RABGAP1L: variants seen among roughly 807,000 people sequenced by gnomAD.
The protein encoded by RABGAP1L is rab GTPase-activating protein 1-like.
Under a neutral mutation model 137.7 loss-of-function variants are expected in RABGAP1L, and 63 were observed. The ratio of observed to expected loss-of-function variants is 0.46; its 90% CI spans 0.37 to 0.56. RABGAP1L has a LOEUF of 0.56. Among genes scored for constraint, RABGAP1L ranks in the 20% least tolerant of loss-of-function variants. The probability of loss-of-function intolerance (pLI) is 0.00; values close to 1 mark genes in which losing one functional copy is unlikely to be tolerated. For missense variants in RABGAP1L, 1,095 were observed against 1,244.0 expected (o/e 0.88, Z 1.80); for synonymous variants, 431 against 433.7 (o/e 0.99, Z 0.08).
At chr1:174,580,103 A>C (rs572929209) in intron 13 of RABGAP1L, among the ~76,000 whole-genome samples, 2 of 136,064 alleles carry the variant, frequency 1.5e-5, no homozygotes, top group East Asian at 5.2e-4. Context: ...TATGAAACCA[A>C]AAGTACAAGC....
chr1:174,564,920 C>G (rs925851969), intron 13 of RABGAP1L, among the ~76,000 whole-genome samples: 2 of 150,724 alleles, frequency 1.3e-5, no homozygotes, highest in African/African-American at 5.0e-5. Flanking sequence ...CAATACAACT[C>G]CCCCCTGCCC....
intron 13 of RABGAP1L, among the ~76,000 whole-genome samples, chr1:174,555,092 A>G (rs527619900): frequency 6.6e-6 from 1 of 152,314 alleles, no homozygotes; most frequent in Admixed American, 6.5e-5. Flanking sequence ...CAGCAAGCAT[A>G]CTTTCACAAT....
At chr1:174,321,143 C>A (rs929848360) in intron 11 of RABGAP1L, among the ~76,000 whole-genome samples, 1 of 152,154 alleles carries the variant, frequency 6.6e-6, no homozygotes, top group African/African-American at 2.4e-5. Flanking sequence ...TCCTGTAGCA[C>A]TCCCAGGCCT....
intron 19 of RABGAP1L, among the ~76,000 whole-genome samples, chr1:174,861,208 G>A (rs1650207446): frequency 6.6e-6 from 1 of 151,982 alleles, no homozygotes; most frequent in East Asian, 1.9e-4. Flanking sequence ...TCTGTGTCTG[G>A]CTTATTTCAC....
chr1:174,815,972 G>A (rs1471775010), intron 19 of RABGAP1L, among the ~76,000 whole-genome samples: 1 of 151,990 alleles, frequency 6.6e-6, no homozygotes, highest in Non-Finnish European at 1.5e-5. Flanking sequence ...TTTTCCCAGG[G>A]AGTCAGTTTT....
At chr1:174,683,682 C>T in intron 15 of RABGAP1L, 86 bp downstream of exon 15, 2 of 1,043,638 alleles carry the variant, frequency 1.9e-6, no homozygotes, top group East Asian at 5.0e-5. Flanking sequence ...TCTTATTTCC[C>T]ATTTATCTGA....
At chr1:174,877,654 CATG>C in intron 19 of RABGAP1L, 2 of 1,566,938 alleles carry the variant, frequency 1.3e-6, no homozygotes, top group South Asian at 1.1e-5. Flanking sequence ...TCTTTTCTAA[CATG>C]ATATCTATAC....
At chr1:174,610,690 A>AT (rs1671158691) in intron 13 of RABGAP1L, among the ~76,000 whole-genome samples, 1 of 152,070 alleles carries the variant, frequency 6.6e-6, no homozygotes, top group African/African-American at 2.4e-5. Context: ...AAGTATTCCT[A>AT]TTTCTCCACA....
intron 13 of RABGAP1L, among the ~76,000 whole-genome samples, chr1:174,576,274 C>T (rs1245061323): frequency 6.6e-6 from 1 of 152,034 alleles, no homozygotes; most frequent in Non-Finnish European, 1.5e-5. Flanking sequence ...CATTTATAGC[C>T]CTATCTTATC....
intron 19 of RABGAP1L, chr1:174,850,162 C>T: frequency 2.3e-6 from 1 of 436,124 alleles, no homozygotes; most frequent in Non-Finnish European, 4.5e-6. Flanking sequence ...GTCACTGCAG[C>T]CCCCATCTCC....
intron 1 of RABGAP1L, among the ~76,000 whole-genome samples, chr1:174,211,349 G>A (rs558468608): frequency 9.2e-4 from 140 of 152,256 alleles, no homozygotes; most frequent in Non-Finnish European, 1.6e-3. Context: ...AGGGGATAAA[G>A]TTAGGGTGTA....
intron 18 of RABGAP1L, among the ~76,000 whole-genome samples, chr1:174,783,996 T>TTTCTTC (rs1558074921): frequency 6.8e-6 from 1 of 147,648 alleles, no homozygotes; most frequent in Admixed American, 6.8e-5. Context: ...GCCGTGAGTT[T>TTTCTTC]TTCTTCTTCT....
At chr1:174,645,442 T>C (rs1184291629) in intron 14 of RABGAP1L, among the ~76,000 whole-genome samples, 5 of 129,576 alleles carry the variant, frequency 3.9e-5, no homozygotes, top group Non-Finnish European at 6.4e-5. Context: ...CCTGTGCCCA[T>C]ATGTTCTCAT....
At chr1:174,839,122 A>G (rs1484979500) in intron 19 of RABGAP1L, among the ~76,000 whole-genome samples, 19 of 151,248 alleles carry the variant, frequency 1.3e-4, no homozygotes, top group Admixed American at 1.3e-3. Context: ...TGGTCAACAA[A>G]TTGCTGCCAA....
At chr1:174,588,890 A>G (rs1445488487) in intron 13 of RABGAP1L, among the ~76,000 whole-genome samples, 1 of 151,080 alleles carries the variant, frequency 6.6e-6, no homozygotes, top group Non-Finnish European at 1.5e-5. Context: ...TGGCTATTGC[A>G]AATAGTACCA....
rs117541657 is a variant in RABGAP1L at position 174,948,190 on chromosome 1, T to A, written c.2341-9267T>A. Among the ~76,000 whole-genome samples the A allele has an allele frequency of 2.9e-4, 44 of 152,088 alleles. No individual in the cohort carries two copies. In the East Asian group the frequency reaches 7.9e-3, roughly 27 times the overall value. ...TGATAGCGCAGCAGGATGACTATAGTCAATAATAATTAATTGTACATTTAA... is the reference window on the plus strand; with the variant it reads ...TGATAGCGCAGCAGGATGACTATAGACAATAATAATTAATTGTACATTTAA... On this transcript the variant is annotated intron_variant, in intron 19 of 25. Coordinates refer to ENST00000681986, the MANE Select transcript of RABGAP1L (RefSeq NM_001366446.1).
intron 13 of RABGAP1L, among the ~76,000 whole-genome samples, chr1:174,403,253 ATATG>A (rs1419606749): frequency 8.0e-6 from 1 of 125,576 alleles, no homozygotes; most frequent in Admixed American, 7.7e-5. Flanking sequence ...GTGTGTATAT[ATATG>A]TGTATACCAT....
chr1:174,904,106 G>A (rs1658620903), intron 19 of RABGAP1L, among the ~76,000 whole-genome samples: 1 of 152,006 alleles, frequency 6.6e-6, no homozygotes, highest in African/African-American at 2.4e-5. Flanking sequence ...TGAGCAGTCA[G>A]TAGGAGAACT....
At chr1:174,613,789 T>G (rs1230205342) in intron 13 of RABGAP1L, among the ~76,000 whole-genome samples, 1 of 152,240 alleles carries the variant, frequency 6.6e-6, no homozygotes, top group Non-Finnish European at 1.5e-5. Flanking sequence ...TCCTGTTGAA[T>G]TGATCCCTTT....
Sources: gnomAD v4.1 joint callset for allele counts (sites outside exome capture counted in the v4.1 genomes callset) on GRCh38, gnomAD v4.1.1 for gene constraint, MANE v1.5 for transcripts, NCBI Gene and HGNC (gene_info 2026-07-23, HGNC 2026-07-21) for gene names.